The following PIBF1 variants were observed in gnomAD, a reference collection of about 807,000 sequenced individuals.
PIBF1 encodes the protein progesterone-induced-blocking factor 1.
Under a neutral mutation model 112.5 loss-of-function variants are expected in PIBF1, and 90 were observed. The ratio of observed to expected loss-of-function variants is 0.80; its 90% CI spans 0.67 to 0.95. The LOEUF (loss-of-function observed/expected upper bound fraction) is 0.95, where lower values mean the gene tolerates loss of function less well. Ranked by LOEUF, PIBF1 falls within the 40% of genes least tolerant of loss-of-function variation. The pLI, the probability that PIBF1 is intolerant of heterozygous loss-of-function variation, is 0.00. For synonymous variants in PIBF1, 301 were observed against 288.6 expected, an observed-to-expected ratio of 1.04 and a Z score of -0.44; for missense variants, 915 against 852.3, an observed-to-expected ratio of 1.07 and a Z score of -0.92.
intron 15 of PIBF1, among the ~76,000 whole-genome samples, chr13:72,969,954 A>C (rs2042846353): frequency 6.6e-6 from 1 of 152,186 alleles, no homozygotes; most frequent in African/African-American, 2.4e-5. Flanking sequence ...TTCCTTAGAA[A>C]ACATAAACAG....
At chr13:72,981,492 T>TA (rs1262980262) in intron 16 of PIBF1, among the ~76,000 whole-genome samples, 2 of 151,912 alleles carry the variant, frequency 1.3e-5, no homozygotes, top group Non-Finnish European at 2.9e-5. Context: ...TTTTGAAGAA[T>TA]AGAAAAAAGA....
chr13:72,929,126 T>TA (rs891518993), intron 13 of PIBF1, among the ~76,000 whole-genome samples: 29 of 152,046 alleles, frequency 1.9e-4, no homozygotes, highest in African/African-American at 5.8e-4. Context: ...CACAAAAAGA[T>TA]AAAAAAAAGT....
At position 73,016,158 on chromosome 13, in the gene PIBF1, T is replaced by C. The variant is rs1226916959; in HGVS notation, c.*239T>C. The C allele has an allele frequency of 5.4e-6, 1 of 183,712 alleles. No individual in the cohort carries two copies. The highest frequency in any genetic ancestry group is 1.1e-5 in the Non-Finnish European group (1 of 90,262). 11.4% of individuals were successfully genotyped at this position (183,712 alleles called of 1,614,324 possible). ...ATGCTATGCTTTAAATTTTGGAGCT[T>C]TCATAAATGTTCAATGCATTTTAAG... On this transcript the variant is annotated 3_prime_UTR_variant, in exon 18 of 18. Coordinates refer to ENST00000326291, the MANE Select transcript of PIBF1 (RefSeq NM_006346.4).
intron 10 of PIBF1, among the ~76,000 whole-genome samples, chr13:72,865,932 G>C (rs552875843): frequency 1.3e-5 from 2 of 152,120 alleles, no homozygotes; most frequent in Admixed American, 1.3e-4. Flanking sequence ...CCAAAACTTG[G>C]TGGCAAAACA....
At chr13:72,840,822 G>A (rs1377411188) in intron 9 of PIBF1, among the ~76,000 whole-genome samples, 3 of 152,042 alleles carry the variant, frequency 2.0e-5, no homozygotes, top group African/African-American at 4.8e-5. Context: ...CACCATGCCC[G>A]GCCCCAATAA....
At chr13:72,885,974 A>G (rs1408019172) in intron 10 of PIBF1, among the ~76,000 whole-genome samples, 5 of 152,184 alleles carry the variant, frequency 3.3e-5, no homozygotes, top group Admixed American at 3.3e-4. Flanking sequence ...ATTTGGATAA[A>G]TTAACATTTA....
At chr13:72,842,027 TA>T (rs1477441752) in intron 9 of PIBF1, among the ~76,000 whole-genome samples, 1 of 152,192 alleles carries the variant, frequency 6.6e-6, no homozygotes, top group Non-Finnish European at 1.5e-5. Flanking sequence ...ACAAAATATA[TA>T]TTCTTAAGTG....
At chr13:72,893,979 A>T in intron 11 of PIBF1, 30 bp downstream of exon 11, 1 of 1,319,636 alleles carries the variant, frequency 7.6e-7, no homozygotes, top group Non-Finnish European at 1.0e-6. Context: ...TTTCAACATT[A>T]GCATGGCATG....
At chr13:72,817,370 G>A (rs2036323153) in intron 5 of PIBF1, among the ~76,000 whole-genome samples, 1 of 152,164 alleles carries the variant, frequency 6.6e-6, no homozygotes, top group Non-Finnish European at 1.5e-5. Context: ...TTACTGTGAT[G>A]TAGAAATTTT....
intron 5 of PIBF1, among the ~76,000 whole-genome samples, chr13:72,817,867 A>G (rs2036356612): frequency 6.6e-6 from 1 of 152,154 alleles, no homozygotes; most frequent in African/African-American, 2.4e-5. Flanking sequence ...GGCTTACTCT[A>G]TTTTAATTGC....
intron 15 of PIBF1, among the ~76,000 whole-genome samples, chr13:72,969,359 G>A (rs17089848): frequency 0.1 from 15,704 of 152,072 alleles, 2,308 homozygotes; most frequent in African/African-American, 0.33. Flanking sequence ...GAAAAATTTT[G>A]TACTAAACAT....
chr13:73,011,215 G>A (rs2044193760), intron 17 of PIBF1, among the ~76,000 whole-genome samples: 1 of 152,128 alleles, frequency 6.6e-6, no homozygotes, highest in Non-Finnish European at 1.5e-5. Flanking sequence ...AGAGAATGAT[G>A]ATGTATCAGA....
intron 5 of PIBF1, among the ~76,000 whole-genome samples, chr13:72,816,380 C>T (rs770920232): frequency 1.2e-4 from 18 of 152,116 alleles, no homozygotes; most frequent in Non-Finnish European, 2.1e-4. Flanking sequence ...TAGTGGCTCA[C>T]GCCTGTAATC....
chr13:72,795,096 A>C (rs1403183149), intron 3 of PIBF1, among the ~76,000 whole-genome samples: 1 of 152,154 alleles, frequency 6.6e-6, no homozygotes, highest in African/African-American at 2.4e-5. Context: ...ATAATTTTAT[A>C]ATTTGAATTT....
At chr13:72,892,820 A>ACACACACACG (rs1566413379) in intron 10 of PIBF1, among the ~76,000 whole-genome samples, 1 of 150,610 alleles carries the variant, frequency 6.6e-6, no homozygotes, top group Non-Finnish European at 1.5e-5. Context: ...GCACACGCAC[A>ACACACACACG]CACACCCCTC....
chr13:72,856,209 C>G (rs2038414197), intron 10 of PIBF1, among the ~76,000 whole-genome samples: 1 of 152,104 alleles, frequency 6.6e-6, no homozygotes, highest in Non-Finnish European at 1.5e-5. Flanking sequence ...CAGTGCCTTC[C>G]TATGATAACT....
At chr13:72,902,006 ATG>A (rs137877705) in intron 11 of PIBF1, among the ~76,000 whole-genome samples, 1 of 147,796 alleles carries the variant, frequency 6.8e-6, no homozygotes, top group Non-Finnish European at 1.5e-5. Flanking sequence ...GTGTATGTAT[ATG>A]TGTGTGTGTG....
At chr13:72,788,068 G>A (rs542372088) in intron 2 of PIBF1, among the ~76,000 whole-genome samples, 2 of 152,260 alleles carry the variant, frequency 1.3e-5, no homozygotes, top group South Asian at 4.1e-4. Context: ...CTAACGTTAT[G>A]AAAAATAAAT....
Position 72,790,550 on chromosome 13 carries a change from GATA to G in PIBF1, c.253-1896_253-1894del, listed in dbSNP as rs879844460. Reference sequence around the variant, plus strand: ...AGATAGATAGATAGATAGATAGATAGATAGATAGATAGATAAATCAGCATATAG... The same window carrying G: ...AGATAGATAGATAGATAGATAGATAGGATAGATAGATAAATCAGCATATAG... On this transcript the variant is annotated intron_variant, in intron 2 of 17. Coordinates refer to ENST00000326291, the MANE Select transcript of PIBF1 (RefSeq NM_006346.4). 5.6e-3 allele frequency among the ~76,000 whole-genome samples: 762 copies of G among 135,488 alleles called. 11 individuals carry two copies. The highest frequency in any genetic ancestry group is 0.019 in the African/African-American group (737 of 38,368). 88.9% of individuals were successfully genotyped at this position (135,488 alleles called of 152,430 possible).
Sources: gnomAD v4.1 joint callset for allele counts (sites outside exome capture counted in the v4.1 genomes callset) on GRCh38, gnomAD v4.1.1 for gene constraint, MANE v1.5 for transcripts, NCBI Gene and HGNC (gene_info 2026-07-23, HGNC 2026-07-21) for gene names.